The following TSHZ3 variants were observed in gnomAD, a reference collection of about 807,000 sequenced individuals.
TSHZ3 encodes teashirt zinc finger homeobox 3, also known as teashirt homolog 3.
Under a neutral mutation model 64.5 loss-of-function variants are expected in TSHZ3, and 10 were observed. The observed-to-expected ratio is 0.16, with a 90% confidence interval of 0.10 to 0.26. TSHZ3 has a LOEUF of 0.26. Among genes scored for constraint, TSHZ3 ranks in the 10% least tolerant of loss-of-function variants. The probability of loss-of-function intolerance (pLI) is 1.00; values close to 1 mark genes in which losing one functional copy is unlikely to be tolerated. For missense variants in TSHZ3, 1,242 were observed against 1,421.7 expected, an observed-to-expected ratio of 0.87 and a Z score of 2.03; for synonymous variants, 608 against 593.1, an observed-to-expected ratio of 1.03 and a Z score of -0.36.
intron 5 of TSHZ3, among the ~76,000 whole-genome samples, chr19:31,189,278 T>G (rs1974864601): frequency 6.6e-6 from 1 of 152,000 alleles, no homozygotes; most frequent in Non-Finnish European, 1.5e-5. Flanking sequence ...GTTGCCCTTC[T>G]ACTTTCATGG....
intron 1 of TSHZ3, among the ~76,000 whole-genome samples, chr19:31,342,753 T>C (rs1917474564): frequency 6.6e-6 from 1 of 152,246 alleles, no homozygotes; most frequent in Admixed American, 6.5e-5. Flanking sequence ...GGTTCCACTT[T>C]GGGAAACAAA....
chr19:31,327,251 C>T (rs1343719404), intron 1 of TSHZ3, among the ~76,000 whole-genome samples: 2 of 152,226 alleles, frequency 1.3e-5, no homozygotes, highest in Non-Finnish European at 2.9e-5. Context: ...GCTCGAGGTT[C>T]TAGACTTTGA....
At chr19:31,293,169 C>G (rs1241408189) in intron 1 of TSHZ3, among the ~76,000 whole-genome samples, 2 of 152,198 alleles carry the variant, frequency 1.3e-5, no homozygotes, top group African/African-American at 4.8e-5. Context: ...CCCAAAAACC[C>G]ATCCTTTCAT....
intron 5 of TSHZ3, among the ~76,000 whole-genome samples, chr19:31,186,268 C>A (rs1198684200): frequency 3.3e-5 from 5 of 152,150 alleles, no homozygotes; most frequent in Non-Finnish European, 5.9e-5. Flanking sequence ...TATGTCCCCA[C>A]CCGAATCTCA....
At chr19:31,323,719 T>C (rs1210816075) in intron 1 of TSHZ3, among the ~76,000 whole-genome samples, 1 of 152,000 alleles carries the variant, frequency 6.6e-6, no homozygotes, top group African/African-American at 2.4e-5. Context: ...CAGGTGCAGA[T>C]ACATCAGGGT....
chr19:31,161,862 A>G (rs927642236), intron 5 of TSHZ3, among the ~76,000 whole-genome samples: 4 of 152,206 alleles, frequency 2.6e-5, no homozygotes, highest in African/African-American at 9.6e-5. Context: ...ATCGTGGGCT[A>G]TATGTAAATG....
rs137889525 is a variant in TSHZ3 at position 31,207,347 on chromosome 19, T to C, written n.687-2269A>G. The stretch of plus-strand genomic sequence containing the variant: ...TTTGAACAATTTTTGAGCAATTTTA[T>C]TGCTATTCATACCTGCTTGATTTTT... On this transcript the variant is annotated intron_variant and non_coding_transcript_variant, in intron 4 of 6. Coordinates refer to the TSHZ3 transcript ENST00000651361. Among the ~76,000 whole-genome samples, 10 of 152,350 alleles carry C rather than the reference T, an allele frequency of 6.6e-5. No homozygotes were observed. In the East Asian group the frequency reaches 1.5e-3, roughly 23 times the overall value.
chr19:31,266,187 C>T (rs1244439806), intron 1 of TSHZ3, among the ~76,000 whole-genome samples: 1 of 152,178 alleles, frequency 6.6e-6, no homozygotes, highest in African/African-American at 2.4e-5. Context: ...GTGGTGCTTG[C>T]ATCCACTTTC....
intron 5 of TSHZ3, among the ~76,000 whole-genome samples, chr19:31,191,044 A>T (rs1328528531): frequency 6.6e-6 from 1 of 152,166 alleles, no homozygotes; most frequent in Non-Finnish European, 1.5e-5. Flanking sequence ...AAATTAGTAG[A>T]GACTCAGAGA....
intron 1 of TSHZ3, among the ~76,000 whole-genome samples, chr19:31,295,166 G>C (rs1284637077): frequency 2.0e-5 from 3 of 152,192 alleles, no homozygotes; most frequent in African/African-American, 7.2e-5. Context: ...ATAAGACAGA[G>C]ATACCAGTGT....
At chr19:31,238,134 TG>T (rs2145181538) in intron 3 of TSHZ3, among the ~76,000 whole-genome samples, 1 of 152,310 alleles carries the variant, frequency 6.6e-6, no homozygotes, top group East Asian at 1.9e-4. Flanking sequence ...TATTAATCTT[TG>T]ACATCTTCAT....
At chr19:31,205,385 CTG>C (rs1975152552) in intron 4 of TSHZ3, among the ~76,000 whole-genome samples, 1 of 152,186 alleles carries the variant, frequency 6.6e-6, no homozygotes, top group South Asian at 2.1e-4. Context: ...ACAGAGCTGA[CTG>C]TATCTCTGCA....
intron 1 of TSHZ3, among the ~76,000 whole-genome samples, chr19:31,265,427 AAGAAAG>A (rs1412774759): frequency 1.1e-4 from 16 of 150,198 alleles, no homozygotes; most frequent in Non-Finnish European, 2.4e-4. Context: ...AAAAGAAAGA[AAGAAAG>A]AAAAAGAAAA....
intron 1 of TSHZ3, among the ~76,000 whole-genome samples, chr19:31,269,660 G>A (rs909213572): frequency 5.3e-5 from 8 of 152,014 alleles, no homozygotes; most frequent in African/African-American, 1.7e-4. Context: ...CAATTATGAC[G>A]GTCATAAATG....
At chr19:31,162,313 T>C (rs1293505085) in intron 5 of TSHZ3, among the ~76,000 whole-genome samples, 1 of 152,232 alleles carries the variant, frequency 6.6e-6, no homozygotes, top group African/African-American at 2.4e-5. Flanking sequence ...ATTCATTCAA[T>C]ACTTTTTCAG....
At chr19:31,223,482 T>C (rs921347737) in intron 4 of TSHZ3, among the ~76,000 whole-genome samples, 2 of 151,970 alleles carry the variant, frequency 1.3e-5, no homozygotes, top group African/African-American at 4.8e-5. Flanking sequence ...GGTATATATT[T>C]AGCTAAGTGT....
At chr19:31,226,977 C>CTATTTTTTTTTT (rs1975472974) in intron 4 of TSHZ3, among the ~76,000 whole-genome samples, 2 of 65,684 alleles carry the variant, frequency 3.0e-5, no homozygotes, top group Non-Finnish European at 4.8e-5. Flanking sequence ...TTCTTTCTTT[C>CTATTTTTTTTTT]TTTTTTTTTT....
intron 1 of TSHZ3, among the ~76,000 whole-genome samples, chr19:31,296,360 G>C (rs548442702): frequency 8.1e-6 from 1 of 123,458 alleles, no homozygotes; most frequent in African/African-American, 3.3e-5. Flanking sequence ...TTGAGACGAA[G>C]TTTTGCTCTT....
chr19:31,177,017 G>A (rs1974619155), intron 5 of TSHZ3, among the ~76,000 whole-genome samples: 1 of 152,170 alleles, frequency 6.6e-6, no homozygotes, highest in African/African-American at 2.4e-5. Flanking sequence ...CCACTCGTAA[G>A]AATGTACCTG....
Sources: allele counts gnomAD v4.1 joint callset (sites outside exome capture counted in the v4.1 genomes callset), GRCh38; gene constraint gnomAD v4.1.1; transcripts MANE v1.5; gene names NCBI Gene and HGNC (gene_info 2026-07-23, HGNC 2026-07-21).